ROBO2: variants seen among roughly 807,000 people sequenced by gnomAD.
ROBO2 encodes the protein roundabout homolog 2.
A neutral mutation model predicts 160.8 loss-of-function variants in ROBO2; 53 were observed. The ratio of observed to expected loss-of-function variants is 0.33; its 90% CI spans 0.26 to 0.41. The LOEUF is 0.41. Ranked by LOEUF, ROBO2 falls within the 10% of genes least tolerant of loss-of-function variation. The probability of loss-of-function intolerance (pLI) is 1.00; values close to 1 mark genes in which losing one functional copy is unlikely to be tolerated. For synonymous variants in ROBO2, 664 were observed against 611.7 expected (o/e 1.09, Z -1.26); for missense variants, 1,577 against 1,722.4 (o/e 0.92, Z 1.49).
chr3:76,062,726 G>A lies in ROBO2; in HGVS notation c.109+125124G>A, dbSNP rs527765327. On this transcript the variant is annotated intron_variant, in intron 2 of 26. Transcript: ENST00000487694. The stretch of plus-strand genomic sequence containing the variant: ...AAGTGCAGATCAAAAAGCATGAACA[G>A]TGTTAGCTATAGGACTGTCAGAACA... Among the ~76,000 whole-genome samples, 6 of 152,290 alleles carry A rather than the reference G, an allele frequency of 3.9e-5. No individual in the cohort carries two copies. In the East Asian group the frequency reaches 9.6e-4, roughly 24 times the overall value.
intron 2 of ROBO2, among the ~76,000 whole-genome samples, chr3:76,421,725 T>TAA (rs11371650): frequency 1.3e-3 from 186 of 148,134 alleles, no homozygotes; most frequent in African/African-American, 3.6e-3. Context: ...AAACTCCATC[T>TAA]AAAAAAAAAA....
exon 23 of ROBO2, chr3:77,622,285 T>C: frequency 6.2e-7 from 1 of 1,614,180 alleles, no homozygotes; most frequent in East Asian, 2.2e-5. Flanking sequence ...AGGTTATGTG[T>C]CTGGAGCCTT....
intron 24 of ROBO2, 88 bp from the exon 27 acceptor site, chr3:77,644,616 C>A: frequency 1.8e-6 from 2 of 1,098,816 alleles, no homozygotes; most frequent in Non-Finnish European, 2.8e-6. Context: ...GTAAAGTAGG[C>A]CATTCACAGT....
intron 2 of ROBO2, among the ~76,000 whole-genome samples, chr3:76,779,061 C>T (rs973104270): frequency 2.0e-5 from 3 of 151,050 alleles, no homozygotes; most frequent in African/African-American, 7.3e-5. Context: ...ATCTCTACCT[C>T]TCATCCAGGC....
chr3:77,269,235 A>G (rs1392560285), intron 2 of ROBO2, among the ~76,000 whole-genome samples: 1 of 152,190 alleles, frequency 6.6e-6, no homozygotes, highest in African/African-American at 2.4e-5. Context: ...TTCATTTATG[A>G]GTCACTAGTC....
chr3:77,516,396 T>G (rs1265319010), intron 5 of ROBO2, among the ~76,000 whole-genome samples: 1 of 151,596 alleles, frequency 6.6e-6, no homozygotes, highest in East Asian at 1.9e-4. Context: ...ATATTTTTAT[T>G]GTCATATTTT....
intron 2 of ROBO2, among the ~76,000 whole-genome samples, chr3:77,250,701 A>G (rs2090242393): frequency 6.6e-6 from 1 of 152,120 alleles, no homozygotes; most frequent in Non-Finnish European, 1.5e-5. Context: ...GAAAGAGGAG[A>G]TGCATCTGGT....
chr3:77,565,061 C>G, exon 12 of ROBO2: 1 of 1,613,700 alleles, frequency 6.2e-7, no homozygotes, highest in Non-Finnish European at 8.5e-7. Context: ...ATGGTCAGAG[C>G]GATCAACCCC....
intron 2 of ROBO2, among the ~76,000 whole-genome samples, chr3:76,016,649 A>T (rs2066412369): frequency 6.6e-6 from 1 of 151,576 alleles, no homozygotes; most frequent in Non-Finnish European, 1.5e-5. Flanking sequence ...AATTTTCAAT[A>T]AAAAAAATAA....
chr3:76,129,570 G>A (rs932448508), intron 2 of ROBO2, among the ~76,000 whole-genome samples: 2 of 152,098 alleles, frequency 1.3e-5, no homozygotes, highest in Non-Finnish European at 2.9e-5. Context: ...TTAGAAAAGA[G>A]AGCTCTTATT....
intron 2 of ROBO2, among the ~76,000 whole-genome samples, chr3:77,411,688 G>A (rs560352283): frequency 6.6e-6 from 1 of 152,252 alleles, no homozygotes; most frequent in South Asian, 2.1e-4. Flanking sequence ...ACATGTATAT[G>A]TATATTTATG....
chr3:76,208,268 A>G (rs998787291), intron 2 of ROBO2, among the ~76,000 whole-genome samples: 1 of 152,172 alleles, frequency 6.6e-6, no homozygotes, highest in African/African-American at 2.4e-5. Flanking sequence ...CAAGATTAGA[A>G]TGAAGTTCCT....
chr3:76,649,009 A>G (rs1331247313), intron 2 of ROBO2, among the ~76,000 whole-genome samples: 1 of 152,128 alleles, frequency 6.6e-6, no homozygotes, highest in Non-Finnish European at 1.5e-5. Flanking sequence ...TGTGAGTTTA[A>G]TGATGCAGTA....
At chr3:76,249,267 C>T (rs903535233) in intron 2 of ROBO2, among the ~76,000 whole-genome samples, 4 of 151,988 alleles carry the variant, frequency 2.6e-5, no homozygotes, top group Non-Finnish European at 5.9e-5. Context: ...ACTGGGAAGT[C>T]AAAATGGATA....
At chr3:76,451,424 A>G (rs1389923655) in intron 2 of ROBO2, among the ~76,000 whole-genome samples, 1 of 152,168 alleles carries the variant, frequency 6.6e-6, no homozygotes, top group Non-Finnish European at 1.5e-5. Flanking sequence ...AAATCTTATC[A>G]TAGCTGTTCA....
At position 76,139,348 on chromosome 3, in the gene ROBO2, T is replaced by C. The variant is rs909544792; in HGVS notation, c.109+201746T>C. ...CTCAGATACCAACTAATACAAAATG[T>C]ACAAATATTTAAACTTAATTTGGAT... On this transcript the variant is annotated intron_variant, in intron 2 of 26. Transcript: ENST00000487694. Among the ~76,000 whole-genome samples the C allele has an allele frequency of 2.6e-5, 4 of 152,080 alleles. No individual in the cohort carries two copies. In the East Asian group the frequency reaches 7.7e-4, roughly 29 times the overall value.
intron 2 of ROBO2, among the ~76,000 whole-genome samples, chr3:76,313,104 T>C (rs2071714410): frequency 6.6e-6 from 1 of 152,218 alleles, no homozygotes; most frequent in Non-Finnish European, 1.5e-5. Flanking sequence ...TAGCAACATA[T>C]TTCATATTGT....
At chr3:77,343,391 C>A (rs185677268) in intron 2 of ROBO2, among the ~76,000 whole-genome samples, 1 of 152,006 alleles carries the variant, frequency 6.6e-6, no homozygotes, top group Non-Finnish European at 1.5e-5. Flanking sequence ...AATAAAAATG[C>A]GTTTCAAATA....
chr3:76,193,651 G>A (rs565081017), intron 2 of ROBO2, among the ~76,000 whole-genome samples: 9 of 152,216 alleles, frequency 5.9e-5, no homozygotes, highest in African/African-American at 1.2e-4. Context: ...AAAATCTTTC[G>A]AAACTTACTC....
Sources: gnomAD v4.1 joint callset for allele counts (sites outside exome capture counted in the v4.1 genomes callset) on GRCh38, gnomAD v4.1.1 for gene constraint, MANE v1.5 for transcripts, NCBI Gene and HGNC (gene_info 2026-07-23, HGNC 2026-07-21) for gene names.